GALNT1: variants seen among roughly 807,000 people sequenced by gnomAD.
GALNT1 encodes GalNAc transferase 1.
In GALNT1, 17 loss-of-function variants were observed where a neutral mutation model predicts 65.7. The observed-to-expected ratio is 0.26, with a 90% confidence interval of 0.18 to 0.39. The LOEUF is 0.39. Among genes scored for constraint, GALNT1 ranks in the 10% least tolerant of loss-of-function variants. GALNT1 has a pLI of 1.00. For missense variants in GALNT1, 460 were observed against 672.8 expected (o/e 0.68, Z 3.50); for synonymous variants, 210 against 219.7 (o/e 0.96, Z 0.39).
intron 2 of GALNT1, among the ~76,000 whole-genome samples, chr18:35,657,798 A>T (rs1264451959): frequency 1.3e-5 from 2 of 152,178 alleles, no homozygotes; most frequent in East Asian, 3.8e-4. Flanking sequence ...AACAGTAGGG[A>T]TGTGGCTGTT....
intron 9 of GALNT1, among the ~76,000 whole-genome samples, chr18:35,694,953 G>A (rs72968421): frequency 0.082 from 12,438 of 152,172 alleles, 566 homozygotes; most frequent in African/African-American, 0.12. Flanking sequence ...CCTTATATAA[G>A]GCAGCTAGAA....
chr18:35,612,171 T>C (rs1464535807), intron 1 of GALNT1, among the ~76,000 whole-genome samples: 1 of 152,174 alleles, frequency 6.6e-6, no homozygotes, highest in Admixed American at 6.5e-5. Context: ...CAAAATACTG[T>C]CTTAGGTTTG....
chr18:35,669,109 C>T (rs146013808), intron 3 of GALNT1, among the ~76,000 whole-genome samples: 8,501 of 152,176 alleles, frequency 0.056, 273 homozygotes, highest in South Asian at 0.072. Context: ...GGCGTGGTGG[C>T]ACGCACCTGT....
chr18:35,683,596 C>G lies in GALNT1; in HGVS notation c.687C>G (p.Asp229Glu), dbSNP rs757716755. ...CTCTCTTGGCCAGGATCAAACATGA[C>G]AGGTAATTTTCTGGTGTCTGTAAGT... Reference protein sequence around the residue: ...LEPLLARIKHDRRTVVCPIID... With the variant: ...LEPLLARIKHERRTVVCPIID... The change falls in exon 5 of 12, where the codon GAC (aspartate) becomes GAG (glutamate). Residue 229 changes from aspartate to glutamate, a missense_variant and splice_region_variant. Physicochemically the swap from Asp to Glu is conservative, Grantham distance 45 (BLOSUM62 2). Transcript: ENST00000269195. 6.2e-7 allele frequency: 1 copy of G among 1,612,936 alleles called. No individual in the cohort carries two copies. Among genetic ancestry groups the G allele is most frequent in the African/African-American group, 1.3e-5 (1 of 74,874 alleles).
Position 35,695,086 on chromosome 18 carries a change from T to G in GALNT1, c.1299+2766T>G, listed in dbSNP as rs571779715. ...TGCAAGATGAAAAAGTTCTGGAGAT[T>G]TGTTTCACAACAGCCTGAATATACT... On this transcript the variant is annotated intron_variant, in intron 9 of 11. Transcript: ENST00000269195. 8.7e-4 allele frequency among the ~76,000 whole-genome samples: 133 copies of G among 152,162 alleles called. 1 individual carries two copies. Among genetic ancestry groups the G allele is most frequent in the Non-Finnish European group, 1.3e-3 (91 of 68,044 alleles).
At chr18:35,633,115 C>G (rs2144217656) in intron 1 of GALNT1, among the ~76,000 whole-genome samples, 1 of 152,264 alleles carries the variant, frequency 6.6e-6, no homozygotes, top group East Asian at 1.9e-4. Context: ...ACTGGTTCAA[C>G]CATTGTGGAA....
At chr18:35,691,787 T>C (rs1399199795) in intron 8 of GALNT1, among the ~76,000 whole-genome samples, 3 of 152,220 alleles carry the variant, frequency 2.0e-5, no homozygotes, top group Non-Finnish European at 2.9e-5. Flanking sequence ...CCTTATTTTT[T>C]AGTTACTGCA....
chr18:35,615,712 C>T (rs556068428), intron 1 of GALNT1, among the ~76,000 whole-genome samples: 6 of 152,226 alleles, frequency 3.9e-5, no homozygotes, highest in Admixed American at 6.5e-5. Flanking sequence ...CGCATACATA[C>T]GTAAGTGTGA....
rs150012711 is a variant in GALNT1 at position 35,705,079 on chromosome 18, A to G, written c.1533+1436A>G. Among the ~76,000 whole-genome samples the G allele has an allele frequency of 1.6e-3, 242 of 152,290 alleles. 2 individuals carry two copies. The highest frequency in any genetic ancestry group is 5.2e-3 in the African/African-American group (217 of 41,560). On this transcript the variant is annotated intron_variant, in intron 11 of 11. Coordinates refer to ENST00000269195, the MANE Select transcript of GALNT1 (RefSeq NM_020474.4). The stretch of plus-strand genomic sequence containing the variant: ...TCTTCGTCCTACTCCTTAAATGGAA[A>G]TGTTGTCCCAAGTTACTGACTTTGG...
At chr18:35,699,412 T>C (rs562059437) in intron 9 of GALNT1, among the ~76,000 whole-genome samples, 1 of 152,354 alleles carries the variant, frequency 6.6e-6, no homozygotes, top group South Asian at 2.1e-4. Flanking sequence ...GATGTCCTGA[T>C]GACTACTGAA....
intron 1 of GALNT1, among the ~76,000 whole-genome samples, chr18:35,648,668 A>T (rs1435055548): frequency 6.6e-6 from 1 of 152,164 alleles, no homozygotes; most frequent in South Asian, 2.1e-4. Context: ...AACATAAAAC[A>T]GTTTCTCTCT....
At chr18:35,669,146 C>G (rs868288380) in intron 3 of GALNT1, among the ~76,000 whole-genome samples, 1 of 152,080 alleles carries the variant, frequency 6.6e-6, no homozygotes, top group South Asian at 2.1e-4. Context: ...GAGGCTGAGG[C>G]AGAAGAATGG....
At chr18:35,693,293 A>G (rs12963532) in intron 9 of GALNT1, among the ~76,000 whole-genome samples, 14,934 of 152,202 alleles carry the variant, frequency 0.098, 806 homozygotes, top group Admixed American at 0.17. Flanking sequence ...TAAGATGACA[A>G]TGTACTTAGC....
At position 35,654,780 on chromosome 18, in the gene GALNT1, A is replaced by G; in HGVS notation, c.118A>G (p.Arg40Gly). The change falls in exon 2 of 12, where the codon AGA becomes GGA. Residue 40 changes from arginine (R) to glycine (G), a missense_variant. Transcript: ENST00000269195. ...CAACAAATGTGATGAAAAAAAGGAG[A>G]GAGGACTTCCTGCTGGAGATGGTGA... ...ECNKCDEKKE[R>G]GLPAGDVLEP... The G allele has an allele frequency of 6.4e-7, 1 of 1,555,760 alleles. No homozygotes were observed. The highest frequency in any genetic ancestry group is 8.7e-7 in the Non-Finnish European group (1 of 1,147,524).
At chr18:35,631,761 C>T (rs1308707651) in intron 1 of GALNT1, among the ~76,000 whole-genome samples, 8 of 152,126 alleles carry the variant, frequency 5.3e-5, no homozygotes, top group Non-Finnish European at 1.2e-4. Context: ...AAGAGGAAGT[C>T]AAATTGTCCC....
At chr18:35,611,927 T>C (rs2046723327) in intron 1 of GALNT1, among the ~76,000 whole-genome samples, 1 of 152,238 alleles carries the variant, frequency 6.6e-6, no homozygotes, top group Admixed American at 6.5e-5. Flanking sequence ...ACAAAAATCC[T>C]GTCTCTAAAT....
chr18:35,649,960 G>T (rs933385440), intron 1 of GALNT1, among the ~76,000 whole-genome samples: 1 of 152,122 alleles, frequency 6.6e-6, no homozygotes, highest in Non-Finnish European at 1.5e-5. Flanking sequence ...CAGTGCCTTT[G>T]CTGTGCCGAA....
chr18:35,632,685 A>C (rs555012540), intron 1 of GALNT1, among the ~76,000 whole-genome samples: 9,363 of 152,096 alleles, frequency 0.062, 309 homozygotes, highest in South Asian at 0.076. Context: ...GCAACAAAAG[A>C]CAAAATTGAC....
chr18:35,622,084 C>T (rs2046859257), intron 1 of GALNT1, among the ~76,000 whole-genome samples: 1 of 151,950 alleles, frequency 6.6e-6, no homozygotes, highest in Non-Finnish European at 1.5e-5. Context: ...TTTTAAAGTT[C>T]TATTTAAAAA....
Sources: gnomAD v4.1 joint callset for allele counts (sites outside exome capture counted in the v4.1 genomes callset) on GRCh38, gnomAD v4.1.1 for gene constraint, MANE v1.5 for transcripts, NCBI Gene and HGNC (gene_info 2026-07-23, HGNC 2026-07-21) for gene names.